The following RNLS variants were observed in gnomAD, a reference collection of about 807,000 sequenced individuals.
RNLS encodes the protein renalase, FAD dependent amine oxidase.
In RNLS, 39 loss-of-function variants were observed where a neutral mutation model predicts 39.8. That is an observed-to-expected ratio of 0.98 (90% CI 0.76 to 1.28). The LOEUF is 1.28. RNLS is among the 50% of genes most tolerant of loss of function. The pLI is 0.00. For synonymous variants in RNLS, 147 were observed against 150.7 expected, an observed-to-expected ratio of 0.98 and a Z score of 0.18; for missense variants, 410 against 413.3, an observed-to-expected ratio of 0.99 and a Z score of 0.07.
intron 5 of RNLS, among the ~76,000 whole-genome samples, chr10:88,349,867 T>C (rs2133276706): frequency 6.6e-6 from 1 of 152,148 alleles, no homozygotes; most frequent in East Asian, 1.9e-4. Context: ...GCAATTAGTA[T>C]TTGACAGCTG....
At chr10:88,569,369 A>G (rs1445558126) in intron 4 of RNLS, among the ~76,000 whole-genome samples, 1 of 152,060 alleles carries the variant, frequency 6.6e-6, no homozygotes, top group Non-Finnish European at 1.5e-5. Flanking sequence ...AAGTTCTCTC[A>G]AAGATTTAAT....
intron 4 of RNLS, among the ~76,000 whole-genome samples, chr10:88,438,204 T>G (rs1841520798): frequency 6.6e-6 from 1 of 151,364 alleles, no homozygotes; most frequent in East Asian, 1.9e-4. Context: ...ATGTGATACC[T>G]GAAACTGCTG....
At position 88,285,108 on chromosome 10, in the gene RNLS, A is replaced by C; in HGVS notation, c.*246T>G. The stretch of plus-strand genomic sequence containing the variant: ...ATTTTTTAAGTACCACTTTTCCTCC[A>C]ACAAGGAGTAGTCATAGCAATTCAG... On this transcript the variant is annotated 3_prime_UTR_variant, in exon 7 of 7. Transcript: ENST00000331772. The C allele has an allele frequency of 1.9e-6, 2 of 1,072,740 alleles. No homozygotes were observed. The highest frequency in any genetic ancestry group is 2.3e-6 in the Non-Finnish European group (2 of 887,074). The allele number at this position is 1,072,740 out of a possible 1,614,324, so 66.5% of individuals were successfully genotyped here.
intron 4 of RNLS, among the ~76,000 whole-genome samples, chr10:88,530,350 T>C (rs1287171859): frequency 6.6e-6 from 1 of 152,194 alleles, no homozygotes; most frequent in East Asian, 1.9e-4. Flanking sequence ...ACAAATACAT[T>C]AAACTTATTT....
At chr10:88,520,530 CT>C (rs1846664287) in intron 4 of RNLS, among the ~76,000 whole-genome samples, 2 of 152,080 alleles carry the variant, frequency 1.3e-5, no homozygotes, top group South Asian at 2.1e-4. Context: ...AAATGTGAAA[CT>C]GTTTCTTGGC....
intron 6 of RNLS, chr10:88,275,074 A>C: frequency 7.1e-7 from 1 of 1,415,810 alleles, no homozygotes; most frequent in Non-Finnish European, 1.0e-6. Context: ...GTGCCACCCA[A>C]CACAATGGCC....
the RNLS span, among the ~76,000 whole-genome samples, chr10:88,217,535 G>T: frequency 1.3e-5 from 2 of 151,966 alleles, no homozygotes; most frequent in African/African-American, 4.8e-5. Flanking sequence ...GCTAACCCGG[G>T]TACACATTAC....
At chr10:88,277,856 T>C (rs184334127) in intron 6 of RNLS, among the ~76,000 whole-genome samples, 7 of 152,324 alleles carry the variant, frequency 4.6e-5, no homozygotes, top group Admixed American at 3.9e-4. Context: ...AGTTTTAAAA[T>C]AGAAGTCCTT....
chr10:88,191,923 G>A, the RNLS span, among the ~76,000 whole-genome samples: 1 of 151,642 alleles, frequency 6.6e-6, no homozygotes, highest in African/African-American at 2.4e-5. Context: ...ATACCTGTTG[G>A]CATTATCTAC....
the RNLS span, among the ~76,000 whole-genome samples, chr10:88,176,284 C>T: frequency 6.6e-6 from 1 of 152,146 alleles, no homozygotes; most frequent in African/African-American, 2.4e-5. Context: ...AAGAGATTCC[C>T]CTGCCTCAGC....
chr10:88,429,174 G>C (rs986399811), intron 4 of RNLS, among the ~76,000 whole-genome samples: 10 of 151,820 alleles, frequency 6.6e-5, no homozygotes, highest in African/African-American at 2.4e-4. Flanking sequence ...GTTGGAGCCA[G>C]GGCCGCCACT....
chr10:88,184,868 G>A, the RNLS span, among the ~76,000 whole-genome samples: 1,577 of 152,224 alleles, frequency 0.01, 23 homozygotes, highest in African/African-American at 0.035. Context: ...AAGTGGTCAG[G>A]TAGCTTGTTG....
chr10:88,351,189 C>T (rs1255645026), intron 5 of RNLS, among the ~76,000 whole-genome samples: 1 of 152,104 alleles, frequency 6.6e-6, no homozygotes, highest in African/African-American at 2.4e-5. Context: ...TGCCCATTCA[C>T]TCTGATGGTA....
chr10:88,559,078 C>A (rs1849028209), intron 4 of RNLS, among the ~76,000 whole-genome samples: 1 of 152,064 alleles, frequency 6.6e-6, no homozygotes, highest in Admixed American at 6.6e-5. Flanking sequence ...TTAGAAACGT[C>A]TTTTAGTAAA....
chr10:88,273,145 A>T (rs1431008504), downstream of RNLS, among the ~76,000 whole-genome samples: 1 of 152,194 alleles, frequency 6.6e-6, no homozygotes, highest in African/African-American at 2.4e-5. Flanking sequence ...CTCCACATTG[A>T]AAAGCTCTGC....
At chr10:88,427,257 T>C (rs1011070156) in intron 4 of RNLS, among the ~76,000 whole-genome samples, 1 of 152,026 alleles carries the variant, frequency 6.6e-6, no homozygotes, top group African/African-American at 2.4e-5. Flanking sequence ...ACTGATCTGT[T>C]AGAATGCCAA....
intron 4 of RNLS, among the ~76,000 whole-genome samples, chr10:88,503,918 C>A (rs1205996316): frequency 6.6e-6 from 1 of 152,116 alleles, no homozygotes; most frequent in Non-Finnish European, 1.5e-5. Context: ...GATGAATATG[C>A]TTTCTCTCTC....
chr10:88,190,487 A>G, the RNLS span, among the ~76,000 whole-genome samples: 1 of 152,166 alleles, frequency 6.6e-6, no homozygotes, highest in African/African-American at 2.4e-5. Context: ...AGGAGGTGGG[A>G]CATGAAGGGT....
At chr10:88,540,324 A>G (rs535569728) in intron 4 of RNLS, among the ~76,000 whole-genome samples, 3 of 152,300 alleles carry the variant, frequency 2.0e-5, no homozygotes, top group South Asian at 4.1e-4. Context: ...ATGTGACTAT[A>G]AAAGTATTAT....
Sources: gnomAD v4.1 joint callset for allele counts (sites outside exome capture counted in the v4.1 genomes callset) on GRCh38, gnomAD v4.1.1 for gene constraint, MANE v1.5 for transcripts, NCBI Gene and HGNC (gene_info 2026-07-23, HGNC 2026-07-21) for gene names.